The following ZNF536 variants were observed in gnomAD, a reference collection of about 807,000 sequenced individuals.
ZNF536 encodes the protein zinc finger protein 536.
Under a neutral mutation model 84.5 loss-of-function variants are expected in ZNF536, and 13 were observed. That is an observed-to-expected ratio of 0.15 (90% CI 0.10 to 0.24). ZNF536 has a LOEUF of 0.24. Among genes scored for constraint, ZNF536 ranks in the 10% least tolerant of loss-of-function variants. The pLI is 1.00. For synonymous variants in ZNF536, 811 were observed against 742.5 expected (o/e 1.09, Z -1.50); for missense variants, 1,536 against 1,747.5 (o/e 0.88, Z 2.16).
At chr19:30,627,973 A>T (rs1433124326) in intron 1 of ZNF536, among the ~76,000 whole-genome samples, 2 of 152,180 alleles carry the variant, frequency 1.3e-5, no homozygotes, top group Non-Finnish European at 1.5e-5. Context: ...TCACGCCTCA[A>T]CCCAGAACCC....
chr19:30,232,875 A>G (rs967208380), intron 1 of ZNF536, among the ~76,000 whole-genome samples: 19 of 152,202 alleles, frequency 1.2e-4, no homozygotes, highest in African/African-American at 4.6e-4. Context: ...CCCCCCAGCT[A>G]TGATAATCAA....
In ZNF536 at chr19:30,543,547, C is replaced by T. The variant is rs188774370; in HGVS notation, c.2324-4396C>T. Among the ~76,000 whole-genome samples, 295 of 152,324 alleles carry T rather than the reference C, an allele frequency of 1.9e-3. 1 individual carries two copies. Among genetic ancestry groups the T allele is most frequent in the African/African-American group, 6.5e-3 (272 of 41,576 alleles). On this transcript the variant is annotated intron_variant, in intron 3 of 4. Transcript: ENST00000355537. ...CTTTTGGCATGGATCTGGCCATGTC[C>T]GGAGGCCTGGGATTTGCTAGAGTTA...
At chr19:30,273,337 C>G (rs923298207) in intron 1 of ZNF536, among the ~76,000 whole-genome samples, 1 of 152,154 alleles carries the variant, frequency 6.6e-6, no homozygotes, top group Non-Finnish European at 1.5e-5. Context: ...ACTGTCTTGC[C>G]ACGTGGCTTT....
At position 30,381,566 on chromosome 19, in the gene ZNF536, C is replaced by T. The variant is rs551108520; in HGVS notation, c.-3+9010C>T. The stretch of plus-strand genomic sequence containing the variant: ...TCCCAAGGAAGGAACAGGCCTGGCA[C>T]GCTGGAGGATTTGGGGCTGGAGCAT... On this transcript the variant is annotated intron_variant, in intron 1 of 4. Coordinates refer to ENST00000355537, the MANE Select transcript of ZNF536 (RefSeq NM_014717.3). Among the ~76,000 whole-genome samples the T allele has an allele frequency of 1.8e-4, 28 of 152,164 alleles. 1 individual carries two copies. The South Asian group carries it at 5.2e-3, about 28-fold the overall frequency.
chr19:30,514,779 C>T (rs1356358616), intron 2 of ZNF536, among the ~76,000 whole-genome samples: 3 of 152,054 alleles, frequency 2.0e-5, no homozygotes, highest in Non-Finnish European at 2.9e-5. Flanking sequence ...CCATATTGTA[C>T]TTGCAACGTG....
At chr19:30,301,396 G>A (rs2046179437) in intron 2 of ZNF536, among the ~76,000 whole-genome samples, 1 of 152,332 alleles carries the variant, frequency 6.6e-6, no homozygotes, top group South Asian at 2.1e-4. Context: ...TAGCTGTAAA[G>A]GGCGACAGAA....
At chr19:30,404,440 G>A (rs1428063578) in intron 1 of ZNF536, among the ~76,000 whole-genome samples, 5 of 152,192 alleles carry the variant, frequency 3.3e-5, no homozygotes, top group African/African-American at 4.8e-5. Context: ...GCAGTCTGGG[G>A]TTCAGTCCCA....
intron 1 of ZNF536, among the ~76,000 whole-genome samples, chr19:30,410,538 G>A (rs562037920): frequency 6.8e-6 from 1 of 146,934 alleles, no homozygotes; most frequent in Admixed American, 6.8e-5. Flanking sequence ...GCAGTGGCGC[G>A]ATCTCGGCTC....
intron 2 of ZNF536, among the ~76,000 whole-genome samples, chr19:30,334,835 G>A (rs539787228): frequency 6.6e-6 from 1 of 152,322 alleles, no homozygotes; most frequent in Admixed American, 6.5e-5. Flanking sequence ...TTCCACCTCA[G>A]ATCGTCAAGC....
At chr19:30,453,098 A>G (rs1292261494) in intron 2 of ZNF536, among the ~76,000 whole-genome samples, 1 of 152,032 alleles carries the variant, frequency 6.6e-6, no homozygotes, top group Non-Finnish European at 1.5e-5. Flanking sequence ...CGATGGCAAC[A>G]TTTACTTAAG....
chr19:30,506,747 A>AT (rs1373629798), intron 2 of ZNF536, among the ~76,000 whole-genome samples: 1 of 152,122 alleles, frequency 6.6e-6, no homozygotes, highest in Non-Finnish European at 1.5e-5. Context: ...ACTAGGTTTT[A>AT]TTTTGATCCC....
intron 2 of ZNF536, chr19:30,300,548 A>G (rs2046145731): frequency 1.3e-5 from 2 of 152,290 alleles, no homozygotes; most frequent in South Asian, 2.1e-4. Context: ...AGCACACTAG[A>G]ATCATGAGGC....
rs762801255 is a variant in ZNF536 at position 30,443,733 on chromosome 19, G to A, written c.171G>A (p.Glu57=). 2.3e-5 allele frequency: 37 copies of A among 1,613,000 alleles called. No homozygotes were observed. The Admixed American group carries it at 2.5e-4, about 11-fold the overall frequency. The change falls in exon 2 of 5, where the codon GAG becomes GAA. Residue 57 remains glutamate, a synonymous_variant. Coordinates refer to ENST00000355537, the MANE Select transcript of ZNF536 (RefSeq NM_014717.3). ...FPELHPRPNP[E]EKPPASLEEK... ...AGCTCCATCCCCGGCCCAACCCCGA[G>A]GAGAAGCCCCCCGCATCCCTGGAGG...
intron 1 of ZNF536, among the ~76,000 whole-genome samples, chr19:30,241,428 G>A (rs947981331): frequency 2.6e-5 from 4 of 152,232 alleles, no homozygotes; most frequent in Non-Finnish European, 4.4e-5. Flanking sequence ...GAATGGGAGT[G>A]GGGGTGGCTG....
intron 1 of ZNF536, among the ~76,000 whole-genome samples, chr19:30,399,101 T>C (rs2049941713): frequency 6.6e-6 from 1 of 152,214 alleles, no homozygotes; most frequent in Non-Finnish European, 1.5e-5. Flanking sequence ...TTTTTAATGA[T>C]TGCCATTCTA....
intron 1 of ZNF536, among the ~76,000 whole-genome samples, chr19:30,634,530 C>A (rs1417261489): frequency 6.6e-6 from 1 of 152,114 alleles, no homozygotes; most frequent in Admixed American, 6.5e-5. Flanking sequence ...CAGCCAGGGT[C>A]CACCATACCC....
chr19:30,618,976 A>C (rs1427683464), intron 1 of ZNF536, among the ~76,000 whole-genome samples: 1 of 152,176 alleles, frequency 6.6e-6, no homozygotes, highest in Non-Finnish European at 1.5e-5. Flanking sequence ...TATTTGTATA[A>C]GTTTAAGGAT....
At chr19:30,629,081 T>G (rs2048794118) in intron 1 of ZNF536, among the ~76,000 whole-genome samples, 1 of 152,172 alleles carries the variant, frequency 6.6e-6, no homozygotes. Context: ...GCAGCTGCTA[T>G]GTATGGGGCT....
At chr19:30,653,568 A>T (rs1420578550) in intron 1 of ZNF536, among the ~76,000 whole-genome samples, 1 of 152,188 alleles carries the variant, frequency 6.6e-6, no homozygotes, top group African/African-American at 2.4e-5. Flanking sequence ...CTCTTGAAAA[A>T]CTAGAATGTC....
Sources: allele counts gnomAD v4.1 joint callset (sites outside exome capture counted in the v4.1 genomes callset), GRCh38; gene constraint gnomAD v4.1.1; transcripts MANE v1.5; gene names NCBI Gene and HGNC (gene_info 2026-07-23, HGNC 2026-07-21).